The following CAT variants were observed in gnomAD, a reference collection of about 807,000 sequenced individuals.
CAT encodes the protein catalase.
In CAT, 43 loss-of-function variants were observed where a neutral mutation model predicts 59.0. The ratio of observed to expected loss-of-function variants is 0.73; its 90% CI spans 0.57 to 0.94. The LOEUF (loss-of-function observed/expected upper bound fraction) is 0.94, where lower values mean the gene tolerates loss of function less well. CAT is among the 40% of genes least tolerant of loss of function. The pLI is 0.00. For synonymous variants in CAT, 218 were observed against 230.9 expected, an observed-to-expected ratio of 0.94 and a Z score of 0.51; for missense variants, 664 against 682.9, an observed-to-expected ratio of 0.97 and a Z score of 0.31.
rs774384477 is a variant in CAT, at chr11:34,452,227, G to T, written c.480+20G>T. 4 of 1,611,504 alleles carry T rather than the reference G, an allele frequency of 2.5e-6. No homozygotes were observed. Among genetic ancestry groups the T allele is most frequent in the Non-Finnish European group, 2.5e-6 (3 of 1,177,822 alleles). ...ATATTGGTAGGTAATAGAGTATTTT[G>T]CACTCAACAAATGTTTGTTGACTTA... On this transcript the variant is annotated intron_variant, in intron 4 of 12. Transcript: ENST00000241052.
At chr11:34,468,978 C>T (rs1443471505) in intron 11 of CAT, among the ~76,000 whole-genome samples, 1 of 152,202 alleles carries the variant, frequency 6.6e-6, no homozygotes, top group Non-Finnish European at 1.5e-5. Context: ...CCTCGATCCT[C>T]CTTCAGATGC....
chr11:34,449,310 C>A lies in CAT; in HGVS notation c.185C>A (p.Ala62Asp). Residue 62 changes from alanine (A) to aspartate (D), a missense_variant, in exon 2 of 13, where the codon GCT becomes GAT. Physicochemically the swap from Ala to Asp is moderately radical, Grantham distance 126. Coordinates refer to ENST00000241052, the MANE Select transcript of CAT (RefSeq NM_001752.4). ...GATGTGGTTTTCACTGATGAAATGG[C>A]TCATTTTGACCGAGAGAGAATTCCT... ...VQDVVFTDEMAHFDRERIPER... is the reference protein window; with the variant it reads ...VQDVVFTDEMDHFDRERIPER... The A allele has an allele frequency of 6.2e-7, 1 of 1,614,122 alleles. No homozygotes were observed. The highest frequency in any genetic ancestry group is 8.5e-7 in the Non-Finnish European group (1 of 1,179,970).
At chr11:34,456,339 A>G in intron 7 of CAT, 137 bp downstream of exon 7, 1 of 721,684 alleles carries the variant, frequency 1.4e-6, no homozygotes, top group Non-Finnish European at 2.3e-6. Flanking sequence ...GAGTGTCCTA[A>G]GCTGTGAATG....
At chr11:34,470,758 T>G in intron 11 of CAT, 200 bp from the exon 12 acceptor site, 3 of 645,578 alleles carry the variant, frequency 4.6e-6, no homozygotes, top group East Asian at 2.8e-5. Flanking sequence ...TATCCGAGGT[T>G]GCTCAGCCAG....
intron 6 of CAT, 81 bp from the exon 7 acceptor site, chr11:34,455,929 TA>T: frequency 8.5e-7 from 1 of 1,171,504 alleles, no homozygotes; most frequent in Non-Finnish European, 1.3e-6. Context: ...GTGTTACTCA[TA>T]ATCCTTCAAT....
At chr11:34,453,352 T>G (rs985308657) in intron 5 of CAT, among the ~76,000 whole-genome samples, 158 bp downstream of exon 5, 1 of 152,230 alleles carries the variant, frequency 6.6e-6, no homozygotes, top group Non-Finnish European at 1.5e-5. Flanking sequence ...GCTTTACTAA[T>G]CATCCCCCAT....
Position 34,461,270 on chromosome 11 carries a change from C to T in CAT, c.1076C>T (p.Pro359Leu). The T allele has an allele frequency of 6.2e-7, 1 of 1,614,214 alleles. No homozygotes were observed. The highest frequency in any genetic ancestry group is 8.5e-7 in the Non-Finnish European group (1 of 1,180,028). Residue 359 changes from proline to leucine, a missense_variant, in exon 9 of 13, where the codon CCT becomes CTT. Pro to Leu is a moderately conservative substitution (Grantham distance 98, BLOSUM62 -3). Transcript: ENST00000241052. ...KMLQGRLFAY[P>L]DTHRHRLGPN... ...CTGCAGGGCCGCCTTTTTGCCTATC[C>T]TGACACTCACCGCCATCGCCTGGGA...
At chr11:34,456,874 C>G (rs1037779766) in intron 8 of CAT, 57 bp downstream of exon 8, 8 of 1,529,570 alleles carry the variant, frequency 5.2e-6, no homozygotes, top group East Asian at 2.2e-5. Flanking sequence ...CATGCACACA[C>G]AAAATATGCA....
intron 1 of CAT, among the ~76,000 whole-genome samples, 180 bp downstream of exon 1, chr11:34,439,259 G>A (rs972782730): frequency 6.6e-6 from 1 of 152,300 alleles, no homozygotes; most frequent in Non-Finnish European, 1.5e-5. Flanking sequence ...GGGGAGGGGG[G>A]TCCGGGTAGT....
In CAT at chr11:34,456,100, C is replaced by T. The variant is rs369068954; in HGVS notation, c.801C>T (p.Asn267=). The stretch of plus-strand genomic sequence containing the variant: ...ACTATGGCATCCGGGATCTTTTTAA[C>T]GCCATTGCCACAGGAAAGTACCCCT... ...DPDYGIRDLF[N]AIATGKYPSW... Residue 267 remains asparagine, a synonymous_variant, in exon 7 of 13, where the codon AAC becomes AAT. Coordinates refer to ENST00000241052, the MANE Select transcript of CAT (RefSeq NM_001752.4). The T allele has an allele frequency of 2.9e-5, 46 of 1,613,976 alleles. 1 individual carries two copies. The highest frequency in any genetic ancestry group is 1.6e-4 in the Middle Eastern group (1 of 6,062).
rs1856768664 is a variant in CAT at position 34,471,135 on chromosome 11, G to A, written c.1518+94G>A. 1.1e-5 allele frequency: 11 copies of A among 1,029,032 alleles called. 1 individual carries two copies. The South Asian group carries it at 1.4e-4, about 13-fold the overall frequency. The allele number at this position is 1,029,032 out of a possible 1,614,324, so 63.7% of individuals were successfully genotyped here. A position where few individuals can be genotyped will look rare whatever the true frequency, so the allele number is the denominator to read the frequency against. ...CCACTTAGCATTACAGTCTGCAGGGGCCATTACCTGCCACTGTTAGATTTC... is the reference window on the plus strand; with the variant it reads ...CCACTTAGCATTACAGTCTGCAGGGACCATTACCTGCCACTGTTAGATTTC... On this transcript the variant is annotated intron_variant, in intron 12 of 12. Transcript: ENST00000241052.
chr11:34,449,550 A>G (rs1425047663), intron 2 of CAT, among the ~76,000 whole-genome samples, 187 bp downstream of exon 2: 1 of 152,254 alleles, frequency 6.6e-6, no homozygotes, highest in African/African-American at 2.4e-5. Context: ...TAAACATTAT[A>G]TATAAAATAG....
At chr11:34,469,671 GT>G (rs35099202) in intron 11 of CAT, among the ~76,000 whole-genome samples, 87 of 145,630 alleles carry the variant, frequency 6.0e-4, no homozygotes, top group Admixed American at 8.2e-4. Flanking sequence ...GGTTGTGTGG[GT>G]TTTTTTTTTT....
chr11:34,470,946 C>T lies in CAT; in HGVS notation c.1435-12C>T, dbSNP rs780493197. On this transcript the variant is annotated splice_polypyrimidine_tract_variant and intron_variant, in intron 11 of 12. Coordinates refer to ENST00000241052, the MANE Select transcript of CAT (RefSeq NM_001752.4). ...TAGAGTAATGCTTGCATTTATTTTC[C>T]TTTGGCCTTAGGTCAAGAACTTCAC... The T allele has an allele frequency of 3.1e-6, 5 of 1,610,256 alleles. No individual in the cohort carries two copies. Among genetic ancestry groups the T allele is most frequent in the Non-Finnish European group, 4.2e-6 (5 of 1,176,490 alleles).
intron 8 of CAT, among the ~76,000 whole-genome samples, chr11:34,459,374 G>A (rs1173389934): frequency 1.3e-5 from 2 of 152,178 alleles, no homozygotes; most frequent in Admixed American, 6.5e-5. Flanking sequence ...GTTTACAGGT[G>A]CCTTTTAACA....
intron 1 of CAT, among the ~76,000 whole-genome samples, chr11:34,439,445 G>A (rs1476603591): frequency 6.6e-6 from 1 of 152,186 alleles, no homozygotes; most frequent in Non-Finnish European, 1.5e-5. Flanking sequence ...AGTGGAACCA[G>A]GCTCTAATGG....
chr11:34,458,870 G>A (rs1250909534), intron 8 of CAT, among the ~76,000 whole-genome samples: 9 of 152,216 alleles, frequency 5.9e-5, no homozygotes, highest in Admixed American at 5.9e-4. Flanking sequence ...GAAAGCAAAT[G>A]TCTAAGGCAG....
At chr11:34,447,022 GT>G (rs1856464988) in intron 1 of CAT, among the ~76,000 whole-genome samples, 1 of 152,176 alleles carries the variant, frequency 6.6e-6, no homozygotes, top group African/African-American at 2.4e-5. Context: ...GGGATTACAG[GT>G]GTGAGCCACC....
At chr11:34,460,446 CTTTTTTT>C (rs149180752) in intron 8 of CAT, among the ~76,000 whole-genome samples, 8 of 84,534 alleles carry the variant, frequency 9.5e-5, no homozygotes, top group Non-Finnish European at 1.8e-4. Flanking sequence ...GTGGGCGGTA[CTTTTTTT>C]TTTTTTTTTT....
Sources: gnomAD v4.1 joint callset for allele counts (sites outside exome capture counted in the v4.1 genomes callset) on GRCh38, gnomAD v4.1.1 for gene constraint, MANE v1.5 for transcripts, NCBI Gene and HGNC (gene_info 2026-07-23, HGNC 2026-07-21) for gene names.